Variants in PDIA5 observed in about 807,000 individuals in gnomAD.
PDIA5 encodes the protein protein disulfide-isomerase A5.
PDIA5 carries 58 observed loss-of-function variants against 77.6 expected under a neutral mutation model. The observed-to-expected ratio is 0.75, with a 90% CI of 0.61 to 0.93. The LOEUF (loss-of-function observed/expected upper bound fraction) is 0.93, where lower values mean the gene tolerates loss of function less well. PDIA5 is among the 40% of genes least tolerant of loss of function. The pLI is 0.00. For missense variants in PDIA5, 630 were observed against 647.7 expected, an observed-to-expected ratio of 0.97 and a Z score of 0.30; for synonymous variants, 250 against 252.1, an observed-to-expected ratio of 0.99 and a Z score of 0.08.
chr3:123,070,046 C>T (rs28703887), intron 1 of PDIA5, among the ~76,000 whole-genome samples: 18,502 of 148,940 alleles, frequency 0.12, 1,316 homozygotes, highest in Non-Finnish European at 0.17. Flanking sequence ...GCTGAGATCG[C>T]GCCACTGCAC....
chr3:123,125,750 C>T (rs1560536045), intron 10 of PDIA5, among the ~76,000 whole-genome samples: 1 of 152,206 alleles, frequency 6.6e-6, no homozygotes, highest in South Asian at 2.1e-4. Flanking sequence ...AGATAAGGCA[C>T]AAGTGCTAGC....
Position 123,150,834 on chromosome 3 carries a change from C to T in PDIA5, c.1273+470C>T, listed in dbSNP as rs568775167. ...CGCTCCTGAGCTCCTGTGCTGTGCT[C>T]GTTTTAATCAGAGCTCAAGCTGAGG... On this transcript the variant is annotated intron_variant, in intron 14 of 16. Transcript: ENST00000316218. Among the ~76,000 whole-genome samples, 6 of 152,266 alleles carry T rather than the reference C, an allele frequency of 3.9e-5. No individual in the cohort carries two copies. In the South Asian group the frequency reaches 6.2e-4, roughly 16 times the overall value.
intron 7 of PDIA5, among the ~76,000 whole-genome samples, chr3:123,113,718 C>T (rs890054382): frequency 7.2e-5 from 11 of 152,268 alleles, no homozygotes; most frequent in African/African-American, 1.9e-4. Context: ...CTAACTGGGA[C>T]GTCTGTTAGG....
intron 5 of PDIA5, among the ~76,000 whole-genome samples, chr3:123,105,177 T>C (rs1418436164): frequency 6.6e-6 from 1 of 152,242 alleles, no homozygotes; most frequent in Non-Finnish European, 1.5e-5. Context: ...ACTGAGCACC[T>C]ACTGAACTCC....
chr3:123,076,480 G>A (rs559643293), intron 1 of PDIA5, among the ~76,000 whole-genome samples: 1 of 152,268 alleles, frequency 6.6e-6, no homozygotes, highest in Admixed American at 6.5e-5. Flanking sequence ...ATGTTTTCTA[G>A]TCAATGTAAT....
chr3:123,103,045 G>A (rs1055035957), intron 5 of PDIA5, among the ~76,000 whole-genome samples: 3 of 152,214 alleles, frequency 2.0e-5, no homozygotes, highest in Non-Finnish European at 2.9e-5. Context: ...AGTAAGGCAG[G>A]TGATGTCACC....
intron 1 of PDIA5, among the ~76,000 whole-genome samples, chr3:123,083,403 A>G (rs1043998334): frequency 3.3e-5 from 5 of 152,134 alleles, no homozygotes; most frequent in African/African-American, 9.7e-5. Flanking sequence ...GAGATGCTTT[A>G]TGGGTCTCAG....
At chr3:123,105,762 CA>C (rs1934713164) in intron 5 of PDIA5, among the ~76,000 whole-genome samples, 1 of 143,012 alleles carries the variant, frequency 7.0e-6, no homozygotes. Flanking sequence ...CACACACACA[CA>C]TACACTCTCA....
chr3:123,067,797 G>T (rs1220513707), intron 1 of PDIA5, among the ~76,000 whole-genome samples: 1 of 152,236 alleles, frequency 6.6e-6, no homozygotes, highest in Non-Finnish European at 1.5e-5. Context: ...TCGAGCCTCA[G>T]CCACTTTCTA....
At position 123,099,398 on chromosome 3, in the gene PDIA5, C is replaced by T. The variant is rs997508611; in HGVS notation, c.258-3013C>T. Among the ~76,000 whole-genome samples the T allele has an allele frequency of 4.6e-5, 7 of 152,344 alleles. 1 individual carries two copies. The South Asian group carries it at 1.2e-3, about 27-fold the overall frequency. On this transcript the variant is annotated intron_variant, in intron 3 of 16. Coordinates refer to ENST00000316218, the MANE Select transcript of PDIA5 (RefSeq NM_006810.4). ...TTCACGGAGCACATGTTTCTGGAGC[C>T]AGTGGCCCTTTGGTGTGTGCCAGAA... is the stretch of plus-strand genomic sequence containing the variant.
rs181167622 is a variant in PDIA5 at position 123,116,952 on chromosome 3, G to A, written c.609+654G>A. Among the ~76,000 whole-genome samples the A allele has an allele frequency of 4.6e-5, 7 of 151,768 alleles. No homozygotes were observed. The East Asian group carries it at 1.4e-3, about 30-fold the overall frequency. On this transcript the variant is annotated intron_variant, in intron 8 of 16. Coordinates refer to ENST00000316218, the MANE Select transcript of PDIA5 (RefSeq NM_006810.4). ...GGAAGAGGAGCCACTAAGGAAATGGGCCTTCAGAGAAGTAGGAGCAGCTGG... is the reference window on the plus strand; with the variant it reads ...GGAAGAGGAGCCACTAAGGAAATGGACCTTCAGAGAAGTAGGAGCAGCTGG...
At chr3:123,157,138 A>G (rs1299868088) in intron 15 of PDIA5, among the ~76,000 whole-genome samples, 1 of 152,152 alleles carries the variant, frequency 6.6e-6, no homozygotes, top group South Asian at 2.1e-4. Context: ...ATTCCAAGCC[A>G]GGGATCACCC....
intron 8 of PDIA5, among the ~76,000 whole-genome samples, chr3:123,121,300 C>A (rs1230314394): frequency 1.3e-5 from 2 of 152,338 alleles, no homozygotes; most frequent in Non-Finnish European, 1.5e-5. Context: ...TGGTTCCTGG[C>A]AGCAGGGCTG....
chr3:123,147,730 T>C (rs1206069939), intron 13 of PDIA5, among the ~76,000 whole-genome samples: 1 of 152,224 alleles, frequency 6.6e-6, no homozygotes. Context: ...GGTTTGCCTC[T>C]GAAAGGCACA....
intron 15 of PDIA5, 114 bp from the exon 16 acceptor site, chr3:123,161,207 A>C: frequency 2.6e-6 from 3 of 1,132,412 alleles, no homozygotes; most frequent in Non-Finnish European, 3.8e-6. Context: ...CCTGCCACTG[A>C]GGAGAAAAAT....
In PDIA5 at chr3:123,094,203, T is replaced by C. The variant is rs188428592; in HGVS notation, c.257+1761T>C. Among the ~76,000 whole-genome samples the C allele has an allele frequency of 1.1e-3, 175 of 152,356 alleles. 4 individuals carry two copies. The East Asian group carries it at 0.029, about 25-fold the overall frequency. ...CAGAAGGATGGACTATTCCATGTAG[T>C]TGCCTCGCTGTGTTGAATTTATTCC... On this transcript the variant is annotated intron_variant, in intron 3 of 16. Transcript: ENST00000316218.
chr3:123,161,206 G>A, intron 15 of PDIA5, 115 bp from the exon 16 acceptor site: 1 of 1,129,212 alleles, frequency 8.9e-7, no homozygotes, highest in Non-Finnish European at 1.3e-6. Flanking sequence ...ACCTGCCACT[G>A]AGGAGAAAAA....
At chr3:123,124,449 G>A (rs1009587616) in intron 10 of PDIA5, 106 bp downstream of exon 10, 10 of 826,036 alleles carry the variant, frequency 1.2e-5, no homozygotes, top group Non-Finnish European at 2.1e-5. Context: ...AAAGAATGAG[G>A]AAGGGAATTG....
At chr3:123,102,631 T>TAAA in intron 4 of PDIA5, 120 bp from the exon 5 acceptor site, 1 of 818,920 alleles carries the variant, frequency 1.2e-6, no homozygotes, top group Non-Finnish European at 2.0e-6. Context: ...TTATTTCTTT[T>TAAA]AAAAAAAAAT....
Sources: allele counts gnomAD v4.1 joint callset (sites outside exome capture counted in the v4.1 genomes callset), GRCh38; gene constraint gnomAD v4.1.1; transcripts MANE v1.5; gene names NCBI Gene and HGNC (gene_info 2026-07-23, HGNC 2026-07-21).